Variants in DELE1 observed in about 807,000 individuals in gnomAD.
The protein encoded by DELE1 is DAP3 binding cell death enhancer 1.
In DELE1, 54 loss-of-function variants were observed where a neutral mutation model predicts 59.3. The observed-to-expected ratio is 0.91, with a 90% CI of 0.73 to 1.14. The LOEUF (loss-of-function observed/expected upper bound fraction) is 1.14. Among genes scored for constraint, DELE1 ranks in the 50% most tolerant of loss-of-function variants. DELE1 has a pLI of 0.00. For missense variants in DELE1, 636 were observed against 643.9 expected (o/e 0.99, Z 0.13); for synonymous variants, 264 against 259.1 (o/e 1.02, Z -0.18).
Position 141,940,804 on chromosome 5 carries a change from G to A in DELE1, c.*2045G>A. On this transcript the variant is annotated 3_prime_UTR_variant, in exon 12 of 12. Coordinates refer to ENST00000432126, the MANE Select transcript of DELE1 (RefSeq NM_014773.5). The stretch of plus-strand genomic sequence containing the variant: ...GAGTGCAAGGCCCCATGCAGGGTAG[G>A]AAACCTGAGGTTTCAAGCTCAGGGT... 1.0e-6 allele frequency: 1 copy of A among 985,356 alleles called. No homozygotes were observed. The allele number at this position is 985,356 out of a possible 1,614,324, so 61.0% of individuals were successfully genotyped here.
Position 141,940,733 on chromosome 5 carries a change from C to G in DELE1, c.*1974C>G, listed in dbSNP as rs1752689299. 1.0e-6 allele frequency: 1 copy of G among 974,222 alleles called. No homozygotes were observed. Among genetic ancestry groups the G allele is most frequent in the African/African-American group, 1.8e-5 (1 of 56,970 alleles). 60.3% of individuals were successfully genotyped at this position (974,222 alleles called of 1,614,324 possible). On this transcript the variant is annotated 3_prime_UTR_variant, in exon 12 of 12. Transcript: ENST00000432126. ...TGGCCACCTTCCACAGATGGCACTCCTTGGGAGCAGGGTCCTTGTCTTTGT... is the reference window on the plus strand; with the variant it reads ...TGGCCACCTTCCACAGATGGCACTCGTTGGGAGCAGGGTCCTTGTCTTTGT...
At position 141,941,173 on chromosome 5, in the gene DELE1, T is replaced by C; in HGVS notation, c.*2414T>C. 1.0e-6 allele frequency: 1 copy of C among 985,470 alleles called. No individual in the cohort carries two copies. Among genetic ancestry groups the C allele is most frequent in the Non-Finnish European group, 1.2e-6 (1 of 829,948 alleles). 61.0% of individuals were successfully genotyped at this position (985,470 alleles called of 1,614,324 possible). On this transcript the variant is annotated 3_prime_UTR_variant, in exon 12 of 12. Coordinates refer to ENST00000432126, the MANE Select transcript of DELE1 (RefSeq NM_014773.5). ...TTTGGATTTTCTGACTACTTCCTTC[T>C]AGCCATAGCTGGGGCCGAGGGCTGG... is the stretch of plus-strand genomic sequence containing the variant.
In DELE1 at chr5:141,923,916, G is replaced by A. The variant is rs780395084; in HGVS notation, c.-26G>A. The A allele has an allele frequency of 1.5e-5, 24 of 1,597,236 alleles. No individual in the cohort carries two copies. Among genetic ancestry groups the A allele is most frequent in the Admixed American group, 1.7e-5 (1 of 57,286 alleles). ...GGGTTGGTCTCGCGCTTTCGGCTGC[G>A]AGCTCTCTGTGGTGCTGGCAGCGAC... On this transcript the variant is annotated 5_prime_UTR_variant, in exon 1 of 12. Transcript: ENST00000432126.
In DELE1 at chr5:141,929,728, C is replaced by G; in HGVS notation, c.559C>G (p.Pro187Ala). The change falls in exon 5 of 12, where the codon CCC becomes GCC. Residue 187 changes from proline (P) to alanine (A), a missense_variant. Transcript: ENST00000432126. Reference protein sequence around the residue: ...NSLRGARPQDPSEEGPGDFGF... With the variant: ...NSLRGARPQDASEEGPGDFGF... ...TTTGAGAGGAGCTCGTCCTCAGGAC[C>G]CCTCTGAGGAAGGTATGTCCCTGCC... 6.2e-7 allele frequency: 1 copy of G among 1,614,126 alleles called. No individual in the cohort carries two copies. Among genetic ancestry groups the G allele is most frequent in the Non-Finnish European group, 8.5e-7 (1 of 1,180,004 alleles).
chr5:141,934,668 G>T, intron 10 of DELE1, 82 bp downstream of exon 10: 1 of 1,312,120 alleles, frequency 7.6e-7, no homozygotes, highest in Admixed American at 1.7e-5. Context: ...GAGTTCTTCT[G>T]TGCTTAGGAG....
Position 141,940,827 on chromosome 5 carries a change from G to T in DELE1, c.*2068G>T, listed in dbSNP as rs1561528153. 3 of 985,380 alleles carry T rather than the reference G, an allele frequency of 3.0e-6. No individual in the cohort carries two copies. Among genetic ancestry groups the T allele is most frequent in the Non-Finnish European group, 3.6e-6 (3 of 829,918 alleles). The allele number at this position is 985,380 out of a possible 1,614,324, so 61.0% of individuals were successfully genotyped here. On this transcript the variant is annotated 3_prime_UTR_variant, in exon 12 of 12. Coordinates refer to ENST00000432126, the MANE Select transcript of DELE1 (RefSeq NM_014773.5). Reference sequence around the variant, plus strand: ...AGGAAACCTGAGGTTTCAAGCTCAGGGTTTTAAGCTGTGCAGTGCACTAAG... The same window carrying T: ...AGGAAACCTGAGGTTTCAAGCTCAGTGTTTTAAGCTGTGCAGTGCACTAAG...
In DELE1 at chr5:141,925,480, A is replaced by C; in HGVS notation, c.217A>C (p.Met73Leu). 6.2e-7 allele frequency: 1 copy of C among 1,604,606 alleles called. No homozygotes were observed. Among genetic ancestry groups the C allele is most frequent in the African/African-American group, 1.3e-5 (1 of 74,356 alleles). Residue 73 changes from methionine to leucine, a missense_variant, in exon 3 of 12, where the codon ATG becomes CTG. Transcript: ENST00000432126. ...TGGATGGAAGGATGCCTTCCAATGG[A>C]TGTCTTCCCGTGTCTCCCCGAACAC... ...SHGWKDAFQW[M>L]SSRVSPNTLW... is the part of the protein sequence containing the mutation.
intron 4 of DELE1, 86 bp from the exon 5 acceptor site, chr5:141,929,496 C>T (rs899209929): frequency 7.3e-5 from 105 of 1,441,540 alleles, no homozygotes; most frequent in Admixed American, 9.5e-5. Context: ...GTGATCCACC[C>T]GCCTCGGCCT....
In DELE1 at chr5:141,928,960, A is replaced by G. The variant is rs192484631; in HGVS notation, c.413-622A>G. Among the ~76,000 whole-genome samples the G allele has an allele frequency of 5.1e-4, 77 of 149,738 alleles. 1 individual carries two copies. Among genetic ancestry groups the G allele is most frequent in the African/African-American group, 1.9e-3 (73 of 39,084 alleles). ...CTTATTATGATGATAATCATTAGCA[A>G]TATTGCTATCAAAGAAAGTGCTAGG... On this transcript the variant is annotated intron_variant, in intron 4 of 11. Coordinates refer to ENST00000432126, the MANE Select transcript of DELE1 (RefSeq NM_014773.5).
At chr5:141,933,915 G>GC (rs141299436) in intron 8 of DELE1, 9,889 of 182,554 alleles carry the variant, frequency 0.054, 408 homozygotes, top group African/African-American at 0.12. Flanking sequence ...CTCTCTCTCT[G>GC]CCCCCCCCCA....
chr5:141,938,417 T>G (rs1752535542), intron 11 of DELE1, 104 bp from the exon 12 acceptor site: 9 of 1,516,980 alleles, frequency 5.9e-6, no homozygotes, highest in South Asian at 1.3e-5. Context: ...GGGTTGGGAG[T>G]TAACAATGCC....
chr5:141,929,010 G>A (rs1015572263), intron 4 of DELE1, among the ~76,000 whole-genome samples: 2 of 149,424 alleles, frequency 1.3e-5, no homozygotes, highest in Non-Finnish European at 2.9e-5. Flanking sequence ...CAGTGAGTAA[G>A]GTAGATGCCT....
intron 7 of DELE1, among the ~76,000 whole-genome samples, chr5:141,931,964 G>A (rs1297509074): frequency 6.6e-6 from 1 of 152,176 alleles, no homozygotes; most frequent in Non-Finnish European, 1.5e-5. Flanking sequence ...TTTGTATGGC[G>A]CCTTCACCCT....
Position 141,933,667 on chromosome 5 carries a change from A to T in DELE1, c.897+266A>T, listed in dbSNP as rs958989281. Reference sequence around the variant, plus strand: ...TTGATGAATGGATTAATTAATTTTTAAAAAGTGGGATAAGAACACAAAGAG... The same window carrying T: ...TTGATGAATGGATTAATTAATTTTTTAAAAGTGGGATAAGAACACAAAGAG... On this transcript the variant is annotated intron_variant, in intron 8 of 11. Transcript: ENST00000432126. 1.4e-5 allele frequency: 3 copies of T among 212,482 alleles called. No individual in the cohort carries two copies. The East Asian group carries it at 2.8e-4, about 20-fold the overall frequency. The allele number at this position is 212,482 out of a possible 1,614,324, so 13.2% of individuals were successfully genotyped here.
In DELE1 at chr5:141,941,164, A is replaced by G. The variant is rs1752715246; in HGVS notation, c.*2405A>G. ...TGTGGTCATTTTGGATTTTCTGACT[A>G]CTTCCTTCTAGCCATAGCTGGGGCC... On this transcript the variant is annotated 3_prime_UTR_variant, in exon 12 of 12. Coordinates refer to ENST00000432126, the MANE Select transcript of DELE1 (RefSeq NM_014773.5). 1.0e-6 allele frequency: 1 copy of G among 985,142 alleles called. No individual in the cohort carries two copies. The highest frequency in any genetic ancestry group is 1.7e-5 in the African/African-American group (1 of 57,154). 61.0% of individuals were successfully genotyped at this position (985,142 alleles called of 1,614,324 possible). A position where few individuals can be genotyped will look rare whatever the true frequency, so the allele number is the denominator to read the frequency against.
At chr5:141,933,192 G>T in intron 7 of DELE1, 67 bp from the exon 8 acceptor site, 1 of 1,351,314 alleles carries the variant, frequency 7.4e-7, no homozygotes, top group Non-Finnish European at 9.9e-7. Flanking sequence ...GAGTCTGTAG[G>T]TACCTGGCTG....
Position 141,938,905 on chromosome 5 carries a change from G to T in DELE1, c.*146G>T. The T allele has an allele frequency of 2.1e-6, 3 of 1,451,374 alleles. No homozygotes were observed. Among genetic ancestry groups the T allele is most frequent in the Non-Finnish European group, 2.7e-6 (3 of 1,107,660 alleles). The allele number at this position is 1,451,374 out of a possible 1,614,324, so 89.9% of individuals were successfully genotyped here. A position where few individuals can be genotyped will look rare whatever the true frequency, so the allele number is the denominator to read the frequency against. On this transcript the variant is annotated 3_prime_UTR_variant, in exon 12 of 12. Transcript: ENST00000432126. Reference sequence around the variant, plus strand: ...CCAAGCAATTTCACGTACATGGCTGGTAAGTGACTGATCTTTCCCCCCGCT... The same window carrying T: ...CCAAGCAATTTCACGTACATGGCTGTTAAGTGACTGATCTTTCCCCCCGCT...
In DELE1 at chr5:141,937,269, G is replaced by T. The variant is rs1752432425; in HGVS notation, c.1221G>T (p.Glu407Asp). The change falls in exon 11 of 12, where the codon GAG becomes GAT. Residue 407 changes from glutamate to aspartate, a missense_variant. Transcript: ENST00000432126. ...TTGGTGTGCAGAGGAATCTGGGAGA[G>T]GCCTTGAGATGTTACCAGCAGTCAG... ...KGLGVQRNLG[E>D]ALRCYQQSAA... The T allele has an allele frequency of 6.2e-7, 1 of 1,614,070 alleles. No homozygotes were observed. Among genetic ancestry groups the T allele is most frequent in the Non-Finnish European group, 8.5e-7 (1 of 1,180,050 alleles).
At chr5:141,937,614 TA>T (rs111299319) in intron 11 of DELE1, among the ~76,000 whole-genome samples, 13 of 149,462 alleles carry the variant, frequency 8.7e-5, no homozygotes, top group Admixed American at 5.3e-4. Flanking sequence ...ATTAAAAATA[TA>T]AAAAAAAATT....
Sources: allele counts gnomAD v4.1 joint callset (sites outside exome capture counted in the v4.1 genomes callset), GRCh38; gene constraint gnomAD v4.1.1; transcripts MANE v1.5; gene names NCBI Gene and HGNC (gene_info 2026-07-23, HGNC 2026-07-21).